DTWD2: variants seen among roughly 807,000 people sequenced by gnomAD.
The protein encoded by DTWD2 is DTW motif tRNA-uridine aminocarboxypropyltransferase 2.
In DTWD2, 39 loss-of-function variants were observed where a neutral mutation model predicts 31.8. The observed-to-expected ratio is 1.22, with a 90% confidence interval of 0.95 to 1.60. DTWD2 has a LOEUF of 1.60. DTWD2 is among the 40% of genes most tolerant of loss of function. DTWD2 has a pLI of 0.00. For synonymous variants in DTWD2, 180 were observed against 142.8 expected (o/e 1.26, Z -1.86); for missense variants, 515 against 381.5 (o/e 1.35, Z -2.92).
intron 1 of DTWD2, among the ~76,000 whole-genome samples, chr5:118,977,844 T>C (rs1561480182): frequency 6.6e-6 from 1 of 152,190 alleles, no homozygotes; most frequent in Non-Finnish European, 1.5e-5. Context: ...TTAAAATTCA[T>C]ATGGAACCAA....
At chr5:118,946,532 A>C (rs891073363) in intron 1 of DTWD2, among the ~76,000 whole-genome samples, 6 of 152,214 alleles carry the variant, frequency 3.9e-5, no homozygotes, top group African/African-American at 1.4e-4. Context: ...AAAATGATTC[A>C]AAGAATAAAT....
intron 5 of DTWD2, among the ~76,000 whole-genome samples, chr5:118,842,553 C>T (rs1751742952): frequency 6.6e-6 from 1 of 152,098 alleles, no homozygotes; most frequent in South Asian, 2.1e-4. Flanking sequence ...CAGGACTGCC[C>T]ACCTCAGCAT....
chr5:118,963,596 T>C (rs1234807133), intron 1 of DTWD2, among the ~76,000 whole-genome samples: 6 of 152,156 alleles, frequency 3.9e-5, no homozygotes, highest in African/African-American at 1.4e-4. Context: ...GTTAAAAATA[T>C]AAAGAACTTC....
chr5:118,964,693 C>T (rs1008544305), intron 1 of DTWD2, among the ~76,000 whole-genome samples: 17 of 152,378 alleles, frequency 1.1e-4, no homozygotes, highest in African/African-American at 3.8e-4. Flanking sequence ...CTGCCAGCCT[C>T]GGCCTCCCGA....
At chr5:118,964,817 T>C (rs1754792809) in intron 1 of DTWD2, among the ~76,000 whole-genome samples, 1 of 152,186 alleles carries the variant, frequency 6.6e-6, no homozygotes, top group African/African-American at 2.4e-5. Context: ...CCGCCTGCCT[T>C]GGCCTCCCAA....
intron 1 of DTWD2, among the ~76,000 whole-genome samples, chr5:118,966,982 G>C (rs6872652): frequency 0.02 from 2,977 of 147,426 alleles, 99 homozygotes; most frequent in African/African-American, 0.072. Context: ...AGTGAGCCAA[G>C]ATTACGCCAC....
At chr5:118,867,429 TCTATC>T (rs1240371206) in intron 4 of DTWD2, among the ~76,000 whole-genome samples, 5 of 152,208 alleles carry the variant, frequency 3.3e-5, no homozygotes, top group Non-Finnish European at 2.9e-5. Context: ...ATTTACATTA[TCTATC>T]CTACACCTTT....
At chr5:118,962,490 C>T (rs1754728477) in intron 1 of DTWD2, among the ~76,000 whole-genome samples, 1 of 151,946 alleles carries the variant, frequency 6.6e-6, no homozygotes, top group African/African-American at 2.4e-5. Flanking sequence ...CGCATTAACA[C>T]ATGAAAAATT....
intron 1 of DTWD2, among the ~76,000 whole-genome samples, 167 bp from the exon 2 acceptor site, chr5:118,944,816 C>T (rs1030538831): frequency 1.1e-4 from 17 of 152,142 alleles, no homozygotes; most frequent in African/African-American, 4.1e-4. Flanking sequence ...AGACTTTAGA[C>T]ATGAGAATTT....
intron 1 of DTWD2, among the ~76,000 whole-genome samples, chr5:118,957,199 T>A (rs184872132): frequency 6.6e-5 from 10 of 152,168 alleles, no homozygotes; most frequent in Admixed American, 5.9e-4. Context: ...GGAGGAAGGA[T>A]AGACTTAGAA....
chr5:118,952,858 T>C (rs1005806065), intron 1 of DTWD2, among the ~76,000 whole-genome samples: 1 of 152,178 alleles, frequency 6.6e-6, no homozygotes, highest in African/African-American at 2.4e-5. Context: ...TCTCTGTTAC[T>C]CCCAGGGCTG....
chr5:118,848,151 G>A lies in DTWD2; in HGVS notation c.665C>T (p.Ser222Phe). 1 of 1,608,228 alleles carries A rather than the reference G, an allele frequency of 6.2e-7. No homozygotes were observed. The highest frequency in any genetic ancestry group is 8.5e-7 in the Non-Finnish European group (1 of 1,177,376). Residue 222 changes from serine to phenylalanine, a missense_variant, in exon 5 of 6, where the codon TCT (serine) becomes TTT (phenylalanine). Transcript: ENST00000510708. ...AGCAACAGCTGCACACTCCAGTGTA[G>A]AAAGGCATCTATTAGTCGGCTGCAT... is the stretch of plus-strand genomic sequence containing the variant. ...IRMQPTNRCLSTLECAAVALS... is the reference protein window; with the variant it reads ...IRMQPTNRCLFTLECAAVALS...
chr5:118,938,019 C>G (rs1038674210), intron 3 of DTWD2, among the ~76,000 whole-genome samples: 4 of 152,098 alleles, frequency 2.6e-5, no homozygotes, highest in African/African-American at 7.2e-5. Flanking sequence ...ATACATACAT[C>G]AAAACATCAC....
chr5:118,923,861 G>A (rs1173473599), intron 4 of DTWD2, among the ~76,000 whole-genome samples: 2 of 152,162 alleles, frequency 1.3e-5, no homozygotes, highest in African/African-American at 4.8e-5. Context: ...TCTGATAGAA[G>A]TTTTGTCCCT....
At chr5:118,974,042 A>G (rs878959455) in intron 1 of DTWD2, 1 of 1,605,302 alleles carries the variant, frequency 6.2e-7, no homozygotes, top group East Asian at 2.2e-5. Context: ...GGAAGCTGAG[A>G]CAGCTACGGG....
intron 4 of DTWD2, among the ~76,000 whole-genome samples, chr5:118,906,311 C>T (rs967689477): frequency 6.6e-6 from 1 of 152,036 alleles, no homozygotes; most frequent in Non-Finnish European, 1.5e-5. Flanking sequence ...GTTTAAAATG[C>T]ACCTACCACA....
Position 118,862,245 on chromosome 5 carries a change from T to C in DTWD2, c.598-14027A>G, listed in dbSNP as rs191125569. On this transcript the variant is annotated intron_variant, in intron 4 of 5. Coordinates refer to ENST00000510708, the MANE Select transcript of DTWD2 (RefSeq NM_173666.4). ...ACCATCGCTCCATTCGTGGAAAAAC[T>C]GTCTTCCAGGAAACCAGTCCCTGGG... 9.2e-5 allele frequency among the ~76,000 whole-genome samples: 14 copies of C among 152,314 alleles called. 1 individual carries two copies. The East Asian group carries it at 2.7e-3, about 29-fold the overall frequency.
At chr5:118,942,805 G>C (rs1754235548) in intron 2 of DTWD2, among the ~76,000 whole-genome samples, 1 of 151,912 alleles carries the variant, frequency 6.6e-6, no homozygotes, top group Non-Finnish European at 1.5e-5. Context: ...CAAGTGGTGT[G>C]GGTTGTTTTT....
intron 4 of DTWD2, among the ~76,000 whole-genome samples, chr5:118,888,280 G>A (rs1752909476): frequency 6.6e-6 from 1 of 151,936 alleles, no homozygotes; most frequent in Non-Finnish European, 1.5e-5. Context: ...ATCCATCAAG[G>A]CTAGCAATGG....
Sources: allele counts gnomAD v4.1 joint callset (sites outside exome capture counted in the v4.1 genomes callset), GRCh38; gene constraint gnomAD v4.1.1; transcripts MANE v1.5; gene names NCBI Gene and HGNC (gene_info 2026-07-23, HGNC 2026-07-21).